Variants in GLIS3 observed in about 807,000 individuals in gnomAD.
The protein encoded by GLIS3 is GLIS family zinc finger 3.
GLIS3 carries 53 observed loss-of-function variants against 78.6 expected under a neutral mutation model. The observed-to-expected ratio is 0.67, with a 90% CI of 0.54 to 0.85. GLIS3 has a LOEUF of 0.85. Ranked by LOEUF, GLIS3 falls within the 40% of genes least tolerant of loss-of-function variation. The probability of loss-of-function intolerance (pLI) is 0.00; values close to 1 mark genes in which losing one functional copy is unlikely to be tolerated. For missense variants in GLIS3, 1,703 were observed against 1,231.1 expected (o/e 1.38, Z -5.74); for synonymous variants, 684 against 509.9 (o/e 1.34, Z -4.60).
intron 4 of GLIS3, among the ~76,000 whole-genome samples, chr9:4,101,063 G>A (rs1441718866): frequency 2.0e-5 from 3 of 152,216 alleles, no homozygotes; most frequent in Non-Finnish European, 4.4e-5. Flanking sequence ...ACGGAAGGCT[G>A]CGGTGGAACA....
intron 1 of GLIS3, among the ~76,000 whole-genome samples, chr9:4,292,129 G>C (rs186063680): frequency 1.3e-5 from 2 of 152,250 alleles, no homozygotes; most frequent in African/African-American, 4.8e-5. Flanking sequence ...CAGGCTGTAA[G>C]TTCCTACATC....
rs1348640490 is a variant in GLIS3, at chr9:3,824,595, A to G, written c.*3677T>C. ...TATGATTATATGAAACATAACTGTG[A>G]CAAATCACAAAACTATACATATTAA... On this transcript the variant is annotated 3_prime_UTR_variant, in exon 11 of 11. Coordinates refer to ENST00000381971, the MANE Select transcript of GLIS3 (RefSeq NM_001042413.2). The G allele has an allele frequency of 6.6e-6, 1 of 152,520 alleles. No individual in the cohort carries two copies. Among genetic ancestry groups the G allele is most frequent in the Non-Finnish European group, 1.5e-5 (1 of 68,042 alleles). 9.4% of individuals were successfully genotyped at this position (152,520 alleles called of 1,614,324 possible). A position where few individuals can be genotyped will look rare whatever the true frequency, so the allele number is the denominator to read the frequency against.
intron 2 of GLIS3, among the ~76,000 whole-genome samples, chr9:4,195,280 T>C (rs984172331): frequency 2.0e-5 from 3 of 152,130 alleles, no homozygotes; most frequent in African/African-American, 4.8e-5. Context: ...CTCCCTTGGC[T>C]TGCAGGGAGG....
chr9:4,377,650 A>T, the GLIS3 span, among the ~76,000 whole-genome samples: 1 of 152,140 alleles, frequency 6.6e-6, no homozygotes, highest in Non-Finnish European at 1.5e-5. Context: ...TCTATTATGA[A>T]ATGTAGGCCA....
At chr9:4,389,377 C>A in the GLIS3 span, among the ~76,000 whole-genome samples, 1 of 152,186 alleles carries the variant, frequency 6.6e-6, no homozygotes, top group Non-Finnish European at 1.5e-5. Context: ...TAGGGCGTGA[C>A]ATGACTTACA....
chr9:4,168,362 T>C (rs558984606), intron 2 of GLIS3, among the ~76,000 whole-genome samples: 4 of 152,346 alleles, frequency 2.6e-5, no homozygotes, highest in African/African-American at 9.6e-5. Flanking sequence ...AACGGGACTC[T>C]ATTTGTTCCA....
chr9:4,175,088 G>T (rs1329520993), intron 2 of GLIS3, among the ~76,000 whole-genome samples: 1 of 152,180 alleles, frequency 6.6e-6, no homozygotes, highest in Non-Finnish European at 1.5e-5. Context: ...GGCATTTTAA[G>T]CAGGGAGTTT....
At chr9:4,260,123 G>T (rs1044498440) in intron 2 of GLIS3, among the ~76,000 whole-genome samples, 1 of 152,196 alleles carries the variant, frequency 6.6e-6, no homozygotes, top group African/African-American at 2.4e-5. Context: ...AGCTGACCAG[G>T]TGTCTGATTA....
the GLIS3 span, among the ~76,000 whole-genome samples, chr9:4,385,822 GAGA>G: frequency 2.5e-5 from 1 of 40,092 alleles, no homozygotes; most frequent in Non-Finnish European, 5.9e-5. Context: ...AAGAAAGAAA[GAGA>G]AAAGAAAGAA....
At chr9:4,097,841 C>G (rs10123464) in intron 4 of GLIS3, among the ~76,000 whole-genome samples, 3,801 of 152,166 alleles carry the variant, frequency 0.025, 163 homozygotes, top group African/African-American at 0.088. Flanking sequence ...GGAAGGCCCA[C>G]TAACCAATTA....
intron 6 of GLIS3, among the ~76,000 whole-genome samples, chr9:3,930,453 C>T (rs484277): frequency 0.98 from 149,164 of 152,368 alleles, 73,099 homozygotes; most frequent in East Asian, 1. Flanking sequence ...TAATATTTTG[C>T]AGTCTCAAGA....
intron 2 of GLIS3, among the ~76,000 whole-genome samples, chr9:4,318,122 C>G (rs563706071): frequency 8.5e-5 from 13 of 152,124 alleles, no homozygotes; most frequent in African/African-American, 3.1e-4. Context: ...ATGCTTTGAA[C>G]AAATGTATTG....
At chr9:4,358,862 T>C in the GLIS3 span, among the ~76,000 whole-genome samples, 1 of 152,160 alleles carries the variant, frequency 6.6e-6, no homozygotes, top group Non-Finnish European at 1.5e-5. Flanking sequence ...ACCAGAGTCA[T>C]CTTATAGAAG....
chr9:4,059,661 G>A (rs965495545), intron 4 of GLIS3, among the ~76,000 whole-genome samples: 2 of 152,080 alleles, frequency 1.3e-5, no homozygotes, highest in Non-Finnish European at 2.9e-5. Context: ...CCAACATGTG[G>A]CCATTCCAAA....
At chr9:4,038,797 G>T (rs935451155) in intron 4 of GLIS3, among the ~76,000 whole-genome samples, 1 of 152,048 alleles carries the variant, frequency 6.6e-6, no homozygotes, top group Non-Finnish European at 1.5e-5. Context: ...TAAATGTGTG[G>T]ATCCAGCCTT....
intron 4 of GLIS3, among the ~76,000 whole-genome samples, chr9:3,960,714 G>A (rs1410769002): frequency 6.6e-6 from 1 of 152,194 alleles, no homozygotes; most frequent in Non-Finnish European, 1.5e-5. Context: ...CTGGGCAGAT[G>A]AGAGAAAACT....
At chr9:4,442,467 C>A in the GLIS3 span, among the ~76,000 whole-genome samples, 1 of 152,108 alleles carries the variant, frequency 6.6e-6, no homozygotes, top group Admixed American at 6.5e-5. Context: ...GTTTACCACC[C>A]TGAGTATTCC....
chr9:4,221,094 C>T (rs1312104912), intron 2 of GLIS3, among the ~76,000 whole-genome samples: 2 of 152,152 alleles, frequency 1.3e-5, no homozygotes, highest in Non-Finnish European at 2.9e-5. Context: ...AGGACCTACA[C>T]ACTGAAGTAT....
chr9:4,040,508 G>C (rs920801473), intron 4 of GLIS3, among the ~76,000 whole-genome samples: 1 of 152,082 alleles, frequency 6.6e-6, no homozygotes, highest in African/African-American at 2.4e-5. Context: ...AGGACAATCT[G>C]AACAACAAAA....
Sources: gnomAD v4.1 joint callset for allele counts (sites outside exome capture counted in the v4.1 genomes callset) on GRCh38, gnomAD v4.1.1 for gene constraint, MANE v1.5 for transcripts, NCBI Gene and HGNC (gene_info 2026-07-23, HGNC 2026-07-21) for gene names.